Variants in CDH5 observed in about 807,000 individuals in gnomAD.
The protein encoded by CDH5 is cadherin-5.
In CDH5, 28 loss-of-function variants were observed where a neutral mutation model predicts 62.0. That is an observed-to-expected ratio of 0.45 (90% CI 0.33 to 0.62). CDH5 has a LOEUF of 0.62. CDH5 is among the 20% of genes least tolerant of loss of function. The probability of loss-of-function intolerance (pLI) is 0.02; values close to 1 mark genes in which losing one functional copy is unlikely to be tolerated. For missense variants in CDH5, 940 were observed against 1,065.1 expected (o/e 0.88, Z 1.63); for synonymous variants, 464 against 445.8 (o/e 1.04, Z -0.52).
chr16:66,401,433 A>G (rs1459356470), intron 11 of CDH5, among the ~76,000 whole-genome samples: 1 of 152,156 alleles, frequency 6.6e-6, no homozygotes, highest in Non-Finnish European at 1.5e-5. Flanking sequence ...AAGTTTAAAA[A>G]CTTCTAGTTT....
chr16:66,388,568 C>A (rs893055240), intron 4 of CDH5, 128 bp downstream of exon 4: 2 of 681,064 alleles, frequency 2.9e-6, no homozygotes, highest in Admixed American at 4.3e-5. Flanking sequence ...CACACTGTAC[C>A]ATGGAAGTAG....
At position 66,381,735 on chromosome 16, in the gene CDH5, C is replaced by A. The variant is rs540912082; in HGVS notation, c.210+2188C>A. 5.3e-5 allele frequency among the ~76,000 whole-genome samples: 8 copies of A among 152,296 alleles called. No homozygotes were observed. In the East Asian group the frequency reaches 7.7e-4, roughly 15 times the overall value. Reference sequence around the variant, plus strand: ...TAGAGCAAGGATCAGCAAACTACCCCCTGCGGGCCCAATCCAGCCCACTGC... The same window carrying A: ...TAGAGCAAGGATCAGCAAACTACCCACTGCGGGCCCAATCCAGCCCACTGC... On this transcript the variant is annotated intron_variant, in intron 2 of 11. Transcript: ENST00000341529.
At chr16:66,391,856 C>T (rs922971276) in intron 6 of CDH5, among the ~76,000 whole-genome samples, 1 of 152,190 alleles carries the variant, frequency 6.6e-6, no homozygotes, top group African/African-American at 2.4e-5. Flanking sequence ...ATAGTTGATC[C>T]ATTCTATGTC....
intron 11 of CDH5, 65 bp downstream of exon 11, chr16:66,401,081 C>T (rs964748924): frequency 3.1e-5 from 50 of 1,602,710 alleles, no homozygotes; most frequent in East Asian, 6.7e-5. Flanking sequence ...TGTTGGGAGG[C>T]GGGGAGGCTT....
chr16:66,392,302 T>G lies in CDH5; in HGVS notation c.1136T>G (p.Phe379Cys), dbSNP rs1281740579. The G allele has an allele frequency of 7.4e-6, 12 of 1,614,052 alleles. No individual in the cohort carries two copies. The highest frequency in any genetic ancestry group is 1.0e-5 in the Non-Finnish European group (12 of 1,180,020). Reference protein sequence around the residue: ...PPIFQQPFYHFQLKENQKKPL... With the variant: ...PPIFQQPFYHCQLKENQKKPL... ...ATTTTCCAGCAGCCTTTCTACCACT[T>G]CCAGCTGAAGGAAAACCAGAAGAAG... The change falls in exon 7 of 12, where the codon TTC (phenylalanine) becomes TGC (cysteine). Residue 379 changes from phenylalanine to cysteine, a missense_variant. By Grantham distance (205) the Phe-to-Cys change is radical. Transcript: ENST00000341529.
rs1385889060 is a variant in CDH5, at chr16:66,393,594, C to T, written c.1217+1211C>T. Among the ~76,000 whole-genome samples, 4 of 152,310 alleles carry T rather than the reference C, an allele frequency of 2.6e-5. No individual in the cohort carries two copies. The East Asian group carries it at 7.7e-4, about 29-fold the overall frequency. ...ACTCTGTCCCATGGTCTATCCACCT[C>T]CCACCAGGGCCCACCTCCAACACTG... On this transcript the variant is annotated intron_variant, in intron 7 of 11. Transcript: ENST00000341529.
chr16:66,402,906 G>T lies in CDH5; in HGVS notation c.2092G>T (p.Ala698Ser). The T allele has an allele frequency of 6.2e-7, 1 of 1,611,584 alleles. No individual in the cohort carries two copies. The change falls in exon 12 of 12, where the codon GCA (alanine) becomes TCA (serine). Residue 698 changes from alanine (A) to serine (S), a missense_variant. Coordinates refer to ENST00000341529, the MANE Select transcript of CDH5 (RefSeq NM_001795.5). ...GAAGCCACCGAGGCACGCGCCTGGG[G>T]CACACGGAGGGCCCGGGGAGATGGC... ...VQKPPRHAPG[A>S]HGGPGEMAAM...
intron 2 of CDH5, among the ~76,000 whole-genome samples, chr16:66,385,659 A>G (rs1351929887): frequency 6.6e-6 from 1 of 152,236 alleles, no homozygotes; most frequent in East Asian, 1.9e-4. Flanking sequence ...GGCCAAGACA[A>G]GACAGGAGAA....
intron 1 of CDH5, among the ~76,000 whole-genome samples, chr16:66,371,710 C>A (rs1042473135): frequency 6.6e-6 from 1 of 152,162 alleles, no homozygotes; most frequent in Non-Finnish European, 1.5e-5. Context: ...AGACTTGGCC[C>A]CTGGAATCTA....
chr16:66,391,680 G>A (rs1961086660), intron 6 of CDH5, among the ~76,000 whole-genome samples: 1 of 152,190 alleles, frequency 6.6e-6, no homozygotes, highest in African/African-American at 2.4e-5. Flanking sequence ...GGCTGAGGCA[G>A]GAGAATCGCT....
In CDH5 at chr16:66,402,912, G is replaced by C. The variant is rs766859442; in HGVS notation, c.2098G>C (p.Gly700Arg). 1 of 1,611,684 alleles carries C rather than the reference G, an allele frequency of 6.2e-7. No homozygotes were observed. The highest frequency in any genetic ancestry group is 8.5e-7 in the Non-Finnish European group (1 of 1,179,744). The part of the protein sequence containing the change: ...KPPRHAPGAH[G>R]GPGEMAAMIE... Reference sequence around the variant, plus strand: ...ACCGAGGCACGCGCCTGGGGCACACGGAGGGCCCGGGGAGATGGCAGCCAT... The same window carrying C: ...ACCGAGGCACGCGCCTGGGGCACACCGAGGGCCCGGGGAGATGGCAGCCAT... The change falls in exon 12 of 12, where the codon GGA becomes CGA. Residue 700 changes from glycine to arginine, a missense_variant. Transcript: ENST00000341529.
chr16:66,395,157 T>C (rs1961157454), intron 7 of CDH5, among the ~76,000 whole-genome samples: 1 of 144,606 alleles, frequency 6.9e-6, no homozygotes, highest in South Asian at 2.3e-4. Context: ...CCCAAAGCAC[T>C]CAAATTACAG....
At chr16:66,373,941 G>T (rs1239705145) in intron 1 of CDH5, among the ~76,000 whole-genome samples, 8 of 152,126 alleles carry the variant, frequency 5.3e-5, no homozygotes, top group Non-Finnish European at 1.2e-4. Context: ...ACCAAGCACC[G>T]AGAATAGTTC....
At position 66,402,858 on chromosome 16, in the gene CDH5, C is replaced by A; in HGVS notation, c.2044C>A (p.Pro682Thr). Residue 682 changes from proline to threonine, a missense_variant, in exon 12 of 12, where the codon CCT (proline) becomes ACT (threonine). Coordinates refer to ENST00000341529, the MANE Select transcript of CDH5 (RefSeq NM_001795.5). ...KPPRPALDAR[P>T]SLYAQVQKPP... ...CCCGCGGCCCGCGCTGGACGCCCGG[C>A]CTTCCCTCTATGCGCAGGTGCAGAA... The A allele has an allele frequency of 6.2e-7, 1 of 1,601,386 alleles. No homozygotes were observed. Among genetic ancestry groups the A allele is most frequent in the Non-Finnish European group, 8.5e-7 (1 of 1,173,556 alleles).
At position 66,402,048 on chromosome 16, in the gene CDH5, C is replaced by T. The variant is rs1961292264; in HGVS notation, c.1838-604C>T. ...AATGATGATGATGGCATCCCCACCA[C>T]AAATAGAATTGCATTTGACCTCACA... On this transcript the variant is annotated intron_variant, in intron 11 of 11. Transcript: ENST00000341529. Among the ~76,000 whole-genome samples the T allele has an allele frequency of 2.0e-5, 3 of 152,104 alleles. No homozygotes were observed. In the South Asian group the frequency reaches 6.2e-4, roughly 32 times the overall value.
chr16:66,381,681 T>C (rs1960901264), intron 2 of CDH5, among the ~76,000 whole-genome samples: 1 of 152,124 alleles, frequency 6.6e-6, no homozygotes, highest in Non-Finnish European at 1.5e-5. Flanking sequence ...AAGACAGACA[T>C]GGTCCCCACC....
In CDH5 at chr16:66,402,937, T is replaced by C. The variant is rs749187443; in HGVS notation, c.2123T>C (p.Met708Thr). 1.9e-6 allele frequency: 3 copies of C among 1,612,012 alleles called. No individual in the cohort carries two copies. Among genetic ancestry groups the C allele is most frequent in the Admixed American group, 1.7e-5 (1 of 59,972 alleles). The change falls in exon 12 of 12, where the codon ATG (methionine) becomes ACG (threonine). Residue 708 changes from methionine (M) to threonine (T), a missense_variant. Coordinates refer to ENST00000341529, the MANE Select transcript of CDH5 (RefSeq NM_001795.5). ...GGAGGGCCCGGGGAGATGGCAGCCATGATCGAGGTGAAGAAGGACGAGGCG... is the reference window on the plus strand; with the variant it reads ...GGAGGGCCCGGGGAGATGGCAGCCACGATCGAGGTGAAGAAGGACGAGGCG... ...AHGGPGEMAA[M>T]IEVKKDEADH...
In CDH5 at chr16:66,402,886, C is replaced by A. The variant is rs778104053; in HGVS notation, c.2072C>A (p.Pro691Gln). Residue 691 changes from proline (P) to glutamine (Q), a missense_variant, in exon 12 of 12, where the codon CCA becomes CAA. Physicochemically the swap from Pro to Gln is moderately conservative, Grantham distance 76. Transcript: ENST00000341529. ...RPSLYAQVQK[P>Q]PRHAPGAHGG... Reference sequence around the variant, plus strand: ...TCCCTCTATGCGCAGGTGCAGAAGCCACCGAGGCACGCGCCTGGGGCACAC... The same window carrying A: ...TCCCTCTATGCGCAGGTGCAGAAGCAACCGAGGCACGCGCCTGGGGCACAC... The A allele has an allele frequency of 1.2e-5, 19 of 1,610,304 alleles. No homozygotes were observed. The highest frequency in any genetic ancestry group is 1.6e-5 in the Non-Finnish European group (19 of 1,179,176).
chr16:66,379,138 C>T (rs996911394), intron 1 of CDH5, 181 bp from the exon 2 acceptor site: 1 of 549,402 alleles, frequency 1.8e-6, no homozygotes. Context: ...CTAAAACCGA[C>T]CTTTCATCCG....
Sources: gnomAD v4.1 joint callset for allele counts (sites outside exome capture counted in the v4.1 genomes callset) on GRCh38, gnomAD v4.1.1 for gene constraint, MANE v1.5 for transcripts, NCBI Gene and HGNC (gene_info 2026-07-23, HGNC 2026-07-21) for gene names.